GAMT: variants seen among roughly 807,000 people sequenced by gnomAD.
GAMT encodes the protein epididymis secretory protein Li 20.
In GAMT, 26 loss-of-function variants were observed where a neutral mutation model predicts 26.9. That is an observed-to-expected ratio of 0.97 (90% CI 0.71 to 1.34). The LOEUF is 1.34. GAMT is among the 40% of genes most tolerant of loss of function. The pLI is 0.00. For synonymous variants in GAMT, 169 were observed against 149.6 expected (o/e 1.13, Z -0.95); for missense variants, 412 against 345.0 (o/e 1.19, Z -1.54).
At chr19:1,398,587 C>A in intron 5 of GAMT, 3 of 709,128 alleles carry the variant, frequency 4.2e-6, no homozygotes, top group Non-Finnish European at 6.9e-6. Flanking sequence ...AGGCACACGC[C>A]ACCACGCCCA....
At position 1,397,435 on chromosome 19, in the gene GAMT, A is replaced by T. The variant is rs773026080; in HGVS notation, c.635T>A (p.Met212Lys). Residue 212 changes from methionine to lysine, a missense_variant, in exon 6 of 6, where the codon ATG (methionine) becomes AAG (lysine). Coordinates refer to ENST00000252288, the MANE Select transcript of GAMT (RefSeq NM_000156.6). ...GCAGTCGGCCGGTGGGACCAGCGCCATCACCTCCGTACGGATGTTCTCCCT... is the reference window on the plus strand; with the variant it reads ...GCAGTCGGCCGGTGGGACCAGCGCCTTCACCTCCGTACGGATGTTCTCCCT... Reference protein sequence around the residue: ...FRRENIRTEVMALVPPADCRY... With the variant: ...FRRENIRTEVKALVPPADCRY... 2.5e-6 allele frequency: 4 copies of T among 1,611,244 alleles called. No individual in the cohort carries two copies. In the Admixed American group the frequency reaches 5.0e-5, roughly 20 times the overall value.
At position 1,397,335 on chromosome 19, in the gene GAMT, G is replaced by C; in HGVS notation, c.*24C>G. The C allele has an allele frequency of 6.2e-7, 1 of 1,600,058 alleles. No homozygotes were observed. The highest frequency in any genetic ancestry group is 8.5e-7 in the Non-Finnish European group (1 of 1,175,112). On this transcript the variant is annotated 3_prime_UTR_variant, in exon 6 of 6. Transcript: ENST00000252288. ...CAGGAAGGCACGGAGGAGGGCATGG[G>C]TGTGGCCGGGCCGGGGTGGGGGCTC...
chr19:1,398,522 G>C, intron 5 of GAMT: 2 of 588,024 alleles, frequency 3.4e-6, no homozygotes, highest in Non-Finnish European at 6.0e-6. Flanking sequence ...TGCAACCTCT[G>C]CCCCTGGGGC....
At chr19:1,398,741 G>A (rs1336612346) in intron 5 of GAMT, 175 bp downstream of exon 5, 2 of 1,545,764 alleles carry the variant, frequency 1.3e-6, no homozygotes, top group Non-Finnish European at 1.7e-6. Flanking sequence ...ACTGCTCCTG[G>A]CAGCCACTGC....
chr19:1,401,274 G>C, intron 1 of GAMT, 22 bp downstream of exon 1: 1 of 1,455,924 alleles, frequency 6.9e-7, no homozygotes. Flanking sequence ...CCCGGGGGCG[G>C]TGCAGGCCGG....
intron 1 of GAMT, 84 bp from the exon 2 acceptor site, chr19:1,400,022 G>T: frequency 6.6e-7 from 1 of 1,508,534 alleles, no homozygotes; most frequent in Non-Finnish European, 8.9e-7. Context: ...GCAGGGCAGG[G>T]CTGGGGAGAC....
At position 1,399,962 on chromosome 19, in the gene GAMT, C is replaced by A. The variant is rs1008803794; in HGVS notation, c.182-24G>T. 1 of 1,594,056 alleles carries A rather than the reference C, an allele frequency of 6.3e-7. No individual in the cohort carries two copies. The highest frequency in any genetic ancestry group is 1.7e-5 in the Admixed American group (1 of 57,504). ...CCCTGGGCAGACACAGGGCGCCTGG[C>A]ATCACTAGGTGGGGCGGGCTTAGGA... On this transcript the variant is annotated intron_variant, in intron 1 of 5. Transcript: ENST00000252288. This position sits in a 1 kb window ranked among gnomAD's most constrained non-coding sequence, Gnocchi z 6.2.
At position 1,398,689 on chromosome 19, in the gene GAMT, C is replaced by A. The variant is rs774446805; in HGVS notation, c.570+227G>T. The A allele has an allele frequency of 1.8e-5, 27 of 1,487,962 alleles. No individual in the cohort carries two copies. In the South Asian group the frequency reaches 3.1e-4, roughly 17 times the overall value. 92.2% of individuals were successfully genotyped at this position (1,487,962 alleles called of 1,614,324 possible). On this transcript the variant is annotated intron_variant, in intron 5 of 5. Coordinates refer to ENST00000252288, the MANE Select transcript of GAMT (RefSeq NM_000156.6). The stretch of plus-strand genomic sequence containing the variant: ...GAACTCCTAGGCTCAAGCAATCTGC[C>A]CACCTCGGCCTTCCACAGTGCTGGG...
chr19:1,397,542 G>A, intron 5 of GAMT, 43 bp from the exon 6 acceptor site: 5 of 1,597,424 alleles, frequency 3.1e-6, no homozygotes, highest in Non-Finnish European at 4.2e-6. Flanking sequence ...GGCCATGGGG[G>A]TCACGTGCAC....
At position 1,398,983 on chromosome 19, in the gene GAMT, T is replaced by G. The variant is rs1131691644; in HGVS notation, c.503A>C (p.Tyr168Ser). Residue 168 changes from tyrosine (Y) to serine (S), a missense_variant, in exon 5 of 6, where the codon TAC (tyrosine) becomes TCC (serine). Transcript: ENST00000252288. The stretch of plus-strand genomic sequence containing the variant: ...CTCCCCCCAGGAGGTGAGGTTGCAG[T>G]AGGTGAGGACGCCCCCCGGCTTCAG... Reference protein sequence around the residue: ...RLLKPGGVLTYCNLTSWGELM... With the variant: ...RLLKPGGVLTSCNLTSWGELM... 2 of 1,613,260 alleles carry G rather than the reference T, an allele frequency of 1.2e-6. No individual in the cohort carries two copies. Among genetic ancestry groups the G allele is most frequent in the Non-Finnish European group, 1.7e-6 (2 of 1,179,922 alleles).
rs2082617730 is a variant in GAMT at position 1,399,054 on chromosome 19, G to A, written c.460-28C>T. ...GTGGAAGGGGAGTGGCCAGTGGTCAGGACGGAGGTGGGGGTGTGGGCAGAG... is the reference window on the plus strand; with the variant it reads ...GTGGAAGGGGAGTGGCCAGTGGTCAAGACGGAGGTGGGGGTGTGGGCAGAG... On this transcript the variant is annotated intron_variant, in intron 4 of 5. Coordinates refer to ENST00000252288, the MANE Select transcript of GAMT (RefSeq NM_000156.6). The surrounding 1 kb of genome is among the most constrained non-coding windows in gnomAD (Gnocchi z 6.2). 1 of 1,613,224 alleles carries A rather than the reference G, an allele frequency of 6.2e-7. No individual in the cohort carries two copies. Among genetic ancestry groups the A allele is most frequent in the African/African-American group, 1.3e-5 (1 of 74,944 alleles).
rs747909654 is a variant in GAMT, at chr19:1,397,482, C to T, written c.588G>A (p.Ala196=). ...CCCTCCGGAAGCCGGCCTCCAGCAGCGCGGGCACCTGCGTCTCCTGGTCGG... is the reference window on the plus strand; with the variant it reads ...CCCTCCGGAAGCCGGCCTCCAGCAGTGCGGGCACCTGCGTCTCCTGGTCGG... ...TIMFEETQVP[A]LLEAGFRREN... Residue 196 remains alanine, a synonymous_variant, in exon 6 of 6, where the codon GCG becomes GCA. Transcript: ENST00000252288. 13 of 1,605,880 alleles carry T rather than the reference C, an allele frequency of 8.1e-6. No individual in the cohort carries two copies. The highest frequency in any genetic ancestry group is 6.7e-5 in the African/African-American group (5 of 74,938).
chr19:1,399,810 G>C lies in GAMT; in HGVS notation c.310C>G (p.Pro104Ala). ...AGGGGCACCTTGTGTGTCTGCCGTGGGGCCCAGTCCCGGAGCCGCTGGAAG... is the reference window on the plus strand; with the variant it reads ...AGGGGCACCTTGTGTGTCTGCCGTGCGGCCCAGTCCCGGAGCCGCTGGAAG... Reference protein sequence around the residue: ...GVFQRLRDWAPRQTHKVIPLK... With the variant: ...GVFQRLRDWAARQTHKVIPLK... Residue 104 changes from proline (P) to alanine (A), a missense_variant, in exon 2 of 6, where the codon CCA (proline) becomes GCA (alanine). Pro to Ala is a conservative substitution (Grantham distance 27). Coordinates refer to ENST00000252288, the MANE Select transcript of GAMT (RefSeq NM_000156.6). The surrounding 1 kb of genome is among the most constrained non-coding windows in gnomAD (Gnocchi z 6.2). 6.4e-7 allele frequency: 1 copy of C among 1,573,582 alleles called. No individual in the cohort carries two copies. The highest frequency in any genetic ancestry group is 8.6e-7 in the Non-Finnish European group (1 of 1,160,334).
rs371585032 is a variant in GAMT, at chr19:1,399,608, A to G, written c.328-21T>C. ...ATGACCTTGCAGAGGGGAAAAGAAA[A>G]AGAGAGGACAGGGTAGAGAGGTCCC... On this transcript the variant is annotated intron_variant, in intron 2 of 5. Coordinates refer to ENST00000252288, the MANE Select transcript of GAMT (RefSeq NM_000156.6). The surrounding 1 kb of genome is among the most constrained non-coding windows in gnomAD (Gnocchi z 6.2). The G allele has an allele frequency of 1.9e-6, 3 of 1,608,690 alleles. No homozygotes were observed. The highest frequency in any genetic ancestry group is 2.5e-6 in the Non-Finnish European group (3 of 1,177,590).
Position 1,399,076 on chromosome 19 carries a change from AGAGGGGCTTCCCC to A in GAMT, c.459+39_459+51del. 6.2e-7 allele frequency: 1 copy of A among 1,613,326 alleles called. No homozygotes were observed. The highest frequency in any genetic ancestry group is 8.5e-7 in the Non-Finnish European group (1 of 1,179,980). On this transcript the variant is annotated intron_variant, in intron 4 of 5. Transcript: ENST00000252288. This position sits in a 1 kb window ranked among gnomAD's most constrained non-coding sequence, Gnocchi z 6.2. ...TCAGGACGGAGGTGGGGGTGTGGGC[AGAGGGGCTTCCCC>A]GAGGGCCTCCCGCATCCCAGCAAGT...
chr19:1,397,742 G>A, intron 5 of GAMT: 1 of 1,407,096 alleles, frequency 7.1e-7, no homozygotes, highest in Non-Finnish European at 9.3e-7. Flanking sequence ...GCCACCCCCG[G>A]GCACCTACTC....
chr19:1,401,050 G>A (rs1005130587), intron 1 of GAMT, among the ~76,000 whole-genome samples: 6 of 152,146 alleles, frequency 3.9e-5, no homozygotes, highest in Admixed American at 1.3e-4. Flanking sequence ...TCTGGAGAGC[G>A]GGGGGCCTCA....
chr19:1,397,882 C>A, intron 5 of GAMT: 1 of 1,132,998 alleles, frequency 8.8e-7, no homozygotes, highest in Non-Finnish European at 1.1e-6. Flanking sequence ...AGCCGGCTCT[C>A]ACAACAGCAG....
chr19:1,399,625 A>G lies in GAMT; in HGVS notation c.328-38T>C. The G allele has an allele frequency of 1.3e-6, 2 of 1,592,536 alleles. No individual in the cohort carries two copies. The highest frequency in any genetic ancestry group is 1.7e-6 in the Non-Finnish European group (2 of 1,167,122). ...AAAAGAAAAAGAGAGGACAGGGTAGAGAGGTCCCCAGGATCTCCCCACCTG... is the reference window on the plus strand; with the variant it reads ...AAAAGAAAAAGAGAGGACAGGGTAGGGAGGTCCCCAGGATCTCCCCACCTG... On this transcript the variant is annotated intron_variant, in intron 2 of 5. Coordinates refer to ENST00000252288, the MANE Select transcript of GAMT (RefSeq NM_000156.6). This position sits in a 1 kb window ranked among gnomAD's most constrained non-coding sequence, Gnocchi z 6.2.
Sources: allele counts gnomAD v4.1 joint callset (sites outside exome capture counted in the v4.1 genomes callset), GRCh38; gene constraint gnomAD v4.1.1; non-coding constraint Gnocchi (gnomAD v3.1); transcripts MANE v1.5; gene names NCBI Gene and HGNC (gene_info 2026-07-23, HGNC 2026-07-21).